The following ATP8A2 variants were observed in gnomAD, a reference collection of about 807,000 sequenced individuals.
ATP8A2 encodes the protein ATPase phospholipid transporting 8A2.
In ATP8A2, 100 loss-of-function variants were observed where a neutral mutation model predicts 165.6. That is an observed-to-expected ratio of 0.60 (90% CI 0.51 to 0.71). ATP8A2 has a LOEUF of 0.71. Ranked by LOEUF, ATP8A2 falls within the 30% of genes least tolerant of loss-of-function variation. The pLI is 0.00. For synonymous variants in ATP8A2, 543 were observed against 548.8 expected (o/e 0.99, Z 0.15); for missense variants, 1,227 against 1,479.5 (o/e 0.83, Z 2.80).
chr13:25,957,636 G>T (rs1423045097), intron 33 of ATP8A2, among the ~76,000 whole-genome samples: 2 of 152,206 alleles, frequency 1.3e-5, no homozygotes, highest in Non-Finnish European at 2.9e-5. Context: ...AGAGGATGTG[G>T]AGAAATAGGA....
chr13:25,699,093 G>T, intron 24 of ATP8A2, 80 bp from the exon 25 acceptor site: 1 of 1,183,538 alleles, frequency 8.4e-7, no homozygotes, highest in Non-Finnish European at 1.2e-6. Context: ...CTCATTTCAA[G>T]AAACTTAATT....
At chr13:25,728,694 G>T (rs576163011) in intron 25 of ATP8A2, among the ~76,000 whole-genome samples, 1 of 151,974 alleles carries the variant, frequency 6.6e-6, no homozygotes, top group East Asian at 1.9e-4. Flanking sequence ...GAAGGGGGGA[G>T]CACCGTGTCC....
intron 33 of ATP8A2, among the ~76,000 whole-genome samples, chr13:25,933,581 T>C (rs1954818694): frequency 6.6e-6 from 1 of 152,186 alleles, no homozygotes; most frequent in Non-Finnish European, 1.5e-5. Flanking sequence ...CGTAGGTAGG[T>C]GCCTATCAGT....
intron 1 of ATP8A2, among the ~76,000 whole-genome samples, chr13:25,384,225 A>T (rs1004864179): frequency 1.3e-5 from 2 of 152,110 alleles, no homozygotes; most frequent in African/African-American, 4.8e-5. Context: ...CTATTTTTTT[A>T]GTTTTGATTA....
At chr13:25,730,368 C>G (rs936665867) in intron 25 of ATP8A2, among the ~76,000 whole-genome samples, 2 of 152,142 alleles carry the variant, frequency 1.3e-5, no homozygotes, top group Non-Finnish European at 2.9e-5. Context: ...ATCAAGTTGG[C>G]TTTTGTTTTG....
chr13:25,446,397 C>T (rs1436169269), intron 1 of ATP8A2, among the ~76,000 whole-genome samples: 1 of 152,192 alleles, frequency 6.6e-6, no homozygotes, highest in Non-Finnish European at 1.5e-5. Flanking sequence ...CAGACTGCTG[C>T]CTGCCCCTCC....
At chr13:25,424,017 A>C (rs572860562) in intron 1 of ATP8A2, among the ~76,000 whole-genome samples, 3 of 152,188 alleles carry the variant, frequency 2.0e-5, no homozygotes, top group Non-Finnish European at 4.4e-5. Context: ...TCCAGGTGGC[A>C]GATGGGGAGG....
chr13:25,842,750 G>A (rs2138672946), intron 30 of ATP8A2, among the ~76,000 whole-genome samples: 1 of 151,454 alleles, frequency 6.6e-6, no homozygotes, highest in African/African-American at 2.4e-5. Context: ...AAGGAAGGAA[G>A]GAAGGAAGGT....
intron 33 of ATP8A2, among the ~76,000 whole-genome samples, chr13:25,949,309 C>T (rs1327376903): frequency 1.3e-5 from 2 of 152,240 alleles, no homozygotes; most frequent in Admixed American, 6.5e-5. Flanking sequence ...CAGGGCTCCT[C>T]ATTCAGATGG....
At chr13:25,864,936 C>T (rs1052561809) in intron 33 of ATP8A2, among the ~76,000 whole-genome samples, 1 of 152,196 alleles carries the variant, frequency 6.6e-6, no homozygotes. Flanking sequence ...CACTGTTTCA[C>T]CTGCAGTCTG....
chr13:25,899,666 C>T (rs1030434434), intron 33 of ATP8A2, among the ~76,000 whole-genome samples: 2 of 151,980 alleles, frequency 1.3e-5, no homozygotes, highest in Non-Finnish European at 2.9e-5. Context: ...GACAGGGCCA[C>T]AGTCAGACAG....
intron 24 of ATP8A2, among the ~76,000 whole-genome samples, chr13:25,680,452 C>A (rs2042462468): frequency 6.6e-6 from 1 of 152,220 alleles, no homozygotes; most frequent in African/African-American, 2.4e-5. Context: ...AGATTTCTAG[C>A]CCCAGGAGCT....
chr13:25,768,821 G>A (rs2044551520), intron 25 of ATP8A2, among the ~76,000 whole-genome samples: 1 of 152,170 alleles, frequency 6.6e-6, no homozygotes, highest in Non-Finnish European at 1.5e-5. Context: ...AATAGGCTGT[G>A]TTTTAAGTTA....
intron 25 of ATP8A2, among the ~76,000 whole-genome samples, chr13:25,744,330 C>G (rs191258339): frequency 5.3e-5 from 8 of 152,050 alleles, no homozygotes; most frequent in East Asian, 3.9e-4. Context: ...TCACCACCCC[C>G]CCGTGTGTAT....
At chr13:25,416,268 A>G (rs896688048) in intron 1 of ATP8A2, among the ~76,000 whole-genome samples, 2 of 152,212 alleles carry the variant, frequency 1.3e-5, no homozygotes, top group South Asian at 2.1e-4. Context: ...CATTTGTTGA[A>G]TGAATTACTG....
At chr13:25,738,924 G>A (rs1482376784) in intron 25 of ATP8A2, among the ~76,000 whole-genome samples, 1 of 148,620 alleles carries the variant, frequency 6.7e-6, no homozygotes, top group East Asian at 2.1e-4. Context: ...TATTGTGATG[G>A]TAACTGAACT....
rs530982930 is a variant in ATP8A2 at position 25,741,024 on chromosome 13, A to G, written c.2385-28022A>G. On this transcript the variant is annotated intron_variant, in intron 25 of 36. Transcript: ENST00000381655. Reference sequence around the variant, plus strand: ...TGGCTACGGTATTATAGATAAAGCTATGTGAGTAACCAGACATTTAAAAAC... The same window carrying G: ...TGGCTACGGTATTATAGATAAAGCTGTGTGAGTAACCAGACATTTAAAAAC... Among the ~76,000 whole-genome samples, 39 of 152,336 alleles carry G rather than the reference A, an allele frequency of 2.6e-4. 1 individual carries two copies. Among genetic ancestry groups the G allele is most frequent in the African/African-American group, 8.9e-4 (37 of 41,588 alleles).
At chr13:25,700,431 C>T (rs192425911) in intron 25 of ATP8A2, among the ~76,000 whole-genome samples, 20 of 152,268 alleles carry the variant, frequency 1.3e-4, no homozygotes, top group African/African-American at 3.6e-4. Context: ...TCTTCCTGCA[C>T]GCCTTCACCC....
chr13:25,602,042 ACTCTTGC>A (rs375580211), intron 24 of ATP8A2, among the ~76,000 whole-genome samples: 1 of 151,914 alleles, frequency 6.6e-6, no homozygotes, highest in African/African-American at 2.4e-5. Flanking sequence ...AATTCCTGAT[ACTCTTGC>A]CTACTTGGTA....
Sources: allele counts gnomAD v4.1 joint callset (sites outside exome capture counted in the v4.1 genomes callset), GRCh38; gene constraint gnomAD v4.1.1; transcripts MANE v1.5; gene names NCBI Gene and HGNC (gene_info 2026-07-23, HGNC 2026-07-21).